Variants in PMS1 observed in about 807,000 individuals in gnomAD.
PMS1 encodes the protein PMS1 protein homolog 1.
A neutral mutation model predicts 93.1 loss-of-function variants in PMS1; 79 were observed. That is an observed-to-expected ratio of 0.85 (90% confidence interval 0.71 to 1.02). The LOEUF is 1.02. Ranked by LOEUF, PMS1 falls within the 50% of genes least tolerant of loss-of-function variation. PMS1 has a pLI of 0.00. For synonymous variants in PMS1, 335 were observed against 363.4 expected (o/e 0.92, Z 0.89); for missense variants, 1,064 against 1,085.3 (o/e 0.98, Z 0.28).
intron 5 of PMS1, among the ~76,000 whole-genome samples, chr2:189,843,711 C>CT (rs761011313): frequency 1.5e-3 from 224 of 152,232 alleles, no homozygotes; most frequent in Non-Finnish European, 2.2e-3. Context: ...TCCAACAACT[C>CT]TGAGAAATCT....
At chr2:189,841,359 C>T (rs1206388081) in intron 5 of PMS1, among the ~76,000 whole-genome samples, 1 of 152,120 alleles carries the variant, frequency 6.6e-6, no homozygotes, top group Admixed American at 6.6e-5. Flanking sequence ...AAAAGATCTT[C>T]CTGTTAAACT....
chr2:189,848,594 T>G (rs1291325401), intron 6 of PMS1, among the ~76,000 whole-genome samples: 1 of 152,222 alleles, frequency 6.6e-6, no homozygotes, highest in East Asian at 1.9e-4. Flanking sequence ...TAATCCATCA[T>G]AGATATGAGA....
At position 189,810,705 on chromosome 2, in the gene PMS1, A is replaced by G. The variant is rs145783294; in HGVS notation, c.418+4951A>G. Among the ~76,000 whole-genome samples the G allele has an allele frequency of 7.8e-3, 1,190 of 152,334 alleles. 13 individuals carry two copies. Among genetic ancestry groups the G allele is most frequent in the African/African-American group, 0.026 (1,077 of 41,586 alleles). ...AGAGACCTGATTCCATCTTCAAGAC[A>G]TTTGAAACCAAAGACATTTGAACTG... On this transcript the variant is annotated intron_variant, in intron 4 of 12. Transcript: ENST00000441310.
chr2:189,826,849 G>C (rs2052475659), intron 5 of PMS1, among the ~76,000 whole-genome samples: 1 of 152,084 alleles, frequency 6.6e-6, no homozygotes, highest in African/African-American at 2.4e-5. Context: ...AATTAATTAG[G>C]TAGTGTTAAA....
intron 5 of PMS1, among the ~76,000 whole-genome samples, chr2:189,830,552 AT>A (rs1175376253): frequency 6.6e-6 from 1 of 152,054 alleles, no homozygotes; most frequent in Non-Finnish European, 1.5e-5. Flanking sequence ...TATGCTATAT[AT>A]TTTATTTGTC....
In PMS1 at chr2:189,786,778, G is replaced by A. The variant is rs5742950; in HGVS notation, c.-21+2185G>A. Among the ~76,000 whole-genome samples, 736 of 152,298 alleles carry A rather than the reference G, an allele frequency of 4.8e-3. 4 individuals are homozygous for A. Among genetic ancestry groups the A allele is most frequent in the African/African-American group, 0.017 (686 of 41,554 alleles). On this transcript the variant is annotated intron_variant, in intron 1 of 12. Transcript: ENST00000441310. ...GAAGAAAGTTGATTAGAGGCCAGTC[G>A]TGGTGGCTCACGCCTGTAATCCCAG... is the stretch of plus-strand genomic sequence containing the variant.
chr2:189,829,347 C>G (rs2052723489), intron 5 of PMS1, among the ~76,000 whole-genome samples: 1 of 152,202 alleles, frequency 6.6e-6, no homozygotes, highest in Admixed American at 6.5e-5. Context: ...TGTTCCTTCT[C>G]TAATCACTAC....
chr2:189,826,254 A>G (rs2052418011), intron 5 of PMS1, among the ~76,000 whole-genome samples: 1 of 152,198 alleles, frequency 6.6e-6, no homozygotes, highest in Non-Finnish European at 1.5e-5. Context: ...TGGAGTCAGT[A>G]TAATCAGAGA....
At chr2:189,857,558 C>CTTTTCTTCCTTCTTCTTT (rs2055475162) in intron 9 of PMS1, 2 of 412,080 alleles carry the variant, frequency 4.9e-6, no homozygotes, top group South Asian at 3.7e-5. Flanking sequence ...TCAGTCCATC[C>CTTTTCTTCCTTCTTCTTT]TTTTCTTCCT....
intron 4 of PMS1, among the ~76,000 whole-genome samples, chr2:189,816,371 A>AT (rs1559248114): frequency 6.6e-6 from 1 of 152,080 alleles, no homozygotes; most frequent in Non-Finnish European, 1.5e-5. Flanking sequence ...TAGTTAGTAA[A>AT]TTGTTTGTCT....
intron 10 of PMS1, chr2:189,864,435 A>ATCACGAGG (rs2056366977): frequency 4.1e-6 from 2 of 491,274 alleles, no homozygotes; most frequent in Non-Finnish European, 7.8e-6. Flanking sequence ...AGGTGGGTGG[A>ATCACGAGG]TCACGAGGTC....
chr2:189,805,993 C>G, intron 4 of PMS1: 4 of 1,331,944 alleles, frequency 3.0e-6, no homozygotes, highest in Non-Finnish European at 4.0e-6. Flanking sequence ...ACTAGTTACT[C>G]CTCTGTAAAA....
intron 2 of PMS1, among the ~76,000 whole-genome samples, chr2:189,794,816 A>G (rs894164495): frequency 6.6e-6 from 1 of 152,156 alleles, no homozygotes; most frequent in Non-Finnish European, 1.5e-5. Flanking sequence ...AAAGATTTTC[A>G]TCTGATATGA....
Position 189,841,410 on chromosome 2 carries a change from ATC to A in PMS1, c.583-2550_583-2549del, listed in dbSNP as rs574758685. Among the ~76,000 whole-genome samples, 273 of 152,302 alleles carry A rather than the reference ATC, an allele frequency of 1.8e-3. 2 individuals are homozygous for A. The highest frequency in any genetic ancestry group is 5.9e-3 in the African/African-American group (244 of 41,564). On this transcript the variant is annotated intron_variant, in intron 5 of 12. Coordinates refer to ENST00000441310, the MANE Select transcript of PMS1 (RefSeq NM_000534.5). ...TGTCTTACTGAGTAGTTGTTACACT[ATC>A]TCTGCTTTCCCAAGCAGGTTGCTGT...
intron 6 of PMS1, among the ~76,000 whole-genome samples, chr2:189,850,146 T>C (rs966368134): frequency 1.3e-5 from 2 of 152,216 alleles, no homozygotes; most frequent in South Asian, 2.1e-4. Context: ...ATCACTGTTA[T>C]ATATTTGCAG....
chr2:189,821,614 G>A (rs2051892976), intron 5 of PMS1, among the ~76,000 whole-genome samples: 1 of 152,242 alleles, frequency 6.6e-6, no homozygotes, highest in East Asian at 1.9e-4. Flanking sequence ...TTGGAGACCA[G>A]CCTGGCCGAC....
intron 10 of PMS1, 33 bp downstream of exon 10, chr2:189,864,261 A>T: frequency 7.1e-7 from 1 of 1,398,944 alleles, no homozygotes; most frequent in Non-Finnish European, 1.0e-6. Context: ...AAGAGTAAAA[A>T]TATTTATTAT....
At position 189,864,668 on chromosome 2, in the gene PMS1, AAAAAAAAAAAAAAAAAAAAATATATATAT is replaced by A. The variant is rs1442772458; in HGVS notation, c.2342+442_2342+470del. ...AAGAGTCTGTCTCAGAAAAAAAAAA[AAAAAAAAAAAAAAAAAAAAATATATATAT>A]ATATATATATATATATATATATATA... On this transcript the variant is annotated intron_variant, in intron 10 of 12. Transcript: ENST00000441310. 2.3e-3 allele frequency among the ~76,000 whole-genome samples: 81 copies of A among 35,894 alleles called. 2 individuals are homozygous for A. Among genetic ancestry groups the A allele is most frequent in the Non-Finnish European group, 3.7e-3 (73 of 19,686 alleles). 23.5% of individuals were successfully genotyped at this position (35,894 alleles called of 152,430 possible).
At chr2:189,819,849 T>C (rs2051672525) in intron 5 of PMS1, among the ~76,000 whole-genome samples, 2 of 152,248 alleles carry the variant, frequency 1.3e-5, no homozygotes, top group Non-Finnish European at 2.9e-5. Flanking sequence ...TCTTTTGCTG[T>C]GCAGAAGCTT....
Sources: gnomAD v4.1 joint callset for allele counts (sites outside exome capture counted in the v4.1 genomes callset) on GRCh38, gnomAD v4.1.1 for gene constraint, MANE v1.5 for transcripts, NCBI Gene and HGNC (gene_info 2026-07-23, HGNC 2026-07-21) for gene names.